Variants in BBS9 observed in about 807,000 individuals in gnomAD.
The protein encoded by BBS9 is protein PTHB1.
Under a neutral mutation model 117.7 loss-of-function variants are expected in BBS9, and 89 were observed. The observed-to-expected ratio is 0.76, with a 90% confidence interval of 0.64 to 0.90. The LOEUF (loss-of-function observed/expected upper bound fraction) is 0.90, where lower values mean the gene tolerates loss of function less well. Among genes scored for constraint, BBS9 ranks in the 40% least tolerant of loss-of-function variants. The pLI is 0.00. For missense variants in BBS9, 982 were observed against 1,042.2 expected, an observed-to-expected ratio of 0.94 and a Z score of 0.80; for synonymous variants, 379 against 370.9, an observed-to-expected ratio of 1.02 and a Z score of -0.25.
chr7:33,206,218 A>G (rs2128218926), intron 5 of BBS9, among the ~76,000 whole-genome samples: 1 of 152,350 alleles, frequency 6.6e-6, no homozygotes, highest in African/African-American at 2.4e-5. Flanking sequence ...AGATGATTCA[A>G]ATGAAGGGAT....
chr7:33,438,900 T>A (rs1406968722), intron 19 of BBS9, among the ~76,000 whole-genome samples: 1 of 152,232 alleles, frequency 6.6e-6, no homozygotes, highest in African/African-American at 2.4e-5. Flanking sequence ...CAAGTTATCA[T>A]GACTAAAGCT....
chr7:33,388,320 CT>C (rs1442732558), intron 19 of BBS9, among the ~76,000 whole-genome samples, 176 bp downstream of exon 19: 1 of 152,186 alleles, frequency 6.6e-6, no homozygotes, highest in Non-Finnish European at 1.5e-5. Flanking sequence ...AACTCTGCTG[CT>C]TTCTAATTGT....
At chr7:33,230,171 A>G (rs996754493) in intron 5 of BBS9, among the ~76,000 whole-genome samples, 8 of 152,176 alleles carry the variant, frequency 5.3e-5, no homozygotes, top group Non-Finnish European at 1.0e-4. Flanking sequence ...TGTGAGATAT[A>G]TGGTTTGTAA....
At chr7:33,503,639 TG>T (rs1376631722) in intron 19 of BBS9, among the ~76,000 whole-genome samples, 3 of 152,170 alleles carry the variant, frequency 2.0e-5, no homozygotes, top group Non-Finnish European at 4.4e-5. Context: ...TGGCATTCAG[TG>T]GGTGTTTATG....
At chr7:33,500,816 T>C (rs983363216) in intron 19 of BBS9, among the ~76,000 whole-genome samples, 8 of 152,198 alleles carry the variant, frequency 5.3e-5, no homozygotes, top group African/African-American at 1.7e-4. Flanking sequence ...GCTGGAAGTA[T>C]TTGGGATTAA....
intron 18 of BBS9, among the ~76,000 whole-genome samples, chr7:33,387,244 G>T (rs1178109285): frequency 6.6e-6 from 1 of 152,144 alleles, no homozygotes; most frequent in Admixed American, 6.5e-5. Flanking sequence ...ATTTCTAGAA[G>T]TGGGATTGTT....
At chr7:33,556,046 T>TG (rs1855237780) in intron 21 of BBS9, among the ~76,000 whole-genome samples, 1 of 152,166 alleles carries the variant, frequency 6.6e-6, no homozygotes, top group Non-Finnish European at 1.5e-5. Context: ...TGATCACACT[T>TG]GGTAGTGCAC....
chr7:33,614,225 A>C (rs2129216856), intron 21 of BBS9, among the ~76,000 whole-genome samples: 1 of 152,246 alleles, frequency 6.6e-6, no homozygotes, highest in South Asian at 2.1e-4. Context: ...TAAACAAGAA[A>C]GTGAAAACTT....
intron 21 of BBS9, among the ~76,000 whole-genome samples, chr7:33,582,046 T>C (rs903855517): frequency 5.9e-5 from 9 of 152,150 alleles, no homozygotes; most frequent in Non-Finnish European, 1.3e-4. Flanking sequence ...TCTTTTCTTT[T>C]TCTTAAGACT....
chr7:33,515,045 G>A (rs189956559), intron 20 of BBS9, among the ~76,000 whole-genome samples: 15 of 152,168 alleles, frequency 9.9e-5, no homozygotes, highest in African/African-American at 3.6e-4. Flanking sequence ...CCAAGAATTG[G>A]TAGTTACTAT....
intron 3 of BBS9, among the ~76,000 whole-genome samples, chr7:33,153,393 T>C (rs911559016): frequency 6.6e-6 from 1 of 152,224 alleles, no homozygotes; most frequent in East Asian, 1.9e-4. Flanking sequence ...GTTTGAACTT[T>C]GGGTAATATG....
At chr7:33,434,153 G>C (rs1451819364) in intron 19 of BBS9, among the ~76,000 whole-genome samples, 1 of 150,132 alleles carries the variant, frequency 6.7e-6, no homozygotes, top group African/African-American at 2.5e-5. Flanking sequence ...CATATCTCTG[G>C]TTATTTCCAT....
chr7:33,230,747 A>G (rs1239977160), intron 5 of BBS9, among the ~76,000 whole-genome samples: 1 of 152,174 alleles, frequency 6.6e-6, no homozygotes, highest in Non-Finnish European at 1.5e-5. Context: ...TGCAAAAGAC[A>G]TTATTTTGTT....
intron 9 of BBS9, among the ~76,000 whole-genome samples, chr7:33,284,491 C>T (rs564156077): frequency 5.3e-5 from 8 of 152,190 alleles, no homozygotes; most frequent in Admixed American, 2.6e-4. Context: ...AAATGCCACA[C>T]TTGCCACCAT....
chr7:33,245,352 A>C (rs554151498), intron 5 of BBS9, among the ~76,000 whole-genome samples: 2 of 152,056 alleles, frequency 1.3e-5, no homozygotes, highest in South Asian at 2.1e-4. Flanking sequence ...TAGTGTTTCT[A>C]GTGTTAGGCA....
At chr7:33,556,058 A>T (rs543329139) in intron 21 of BBS9, among the ~76,000 whole-genome samples, 1 of 152,162 alleles carries the variant, frequency 6.6e-6, no homozygotes, top group Non-Finnish European at 1.5e-5. Flanking sequence ...GTAGTGCACA[A>T]TGTTATGAAG....
intron 1 of BBS9, among the ~76,000 whole-genome samples, chr7:33,138,769 G>A (rs938831975): frequency 6.6e-6 from 1 of 150,532 alleles, no homozygotes; most frequent in South Asian, 2.1e-4. Context: ...TTTGGTGGGG[G>A]GGAAAGATGG....
intron 9 of BBS9, among the ~76,000 whole-genome samples, chr7:33,297,395 A>C (rs1366969407): frequency 1.3e-5 from 2 of 152,166 alleles, no homozygotes; most frequent in Non-Finnish European, 2.9e-5. Flanking sequence ...ATGACTAAAG[A>C]ATATAAGGAA....
At chr7:33,147,355 T>A (rs1229226462) in intron 2 of BBS9, among the ~76,000 whole-genome samples, 2 of 152,214 alleles carry the variant, frequency 1.3e-5, no homozygotes, top group African/African-American at 2.4e-5. Flanking sequence ...TTACATTTTT[T>A]AAAAATTGTT....
Sources: gnomAD v4.1 joint callset for allele counts (sites outside exome capture counted in the v4.1 genomes callset) on GRCh38, gnomAD v4.1.1 for gene constraint, MANE v1.5 for transcripts, NCBI Gene and HGNC (gene_info 2026-07-23, HGNC 2026-07-21) for gene names.